The following NOXRED1 variants were observed in gnomAD, a reference collection of about 807,000 sequenced individuals.
NOXRED1 encodes NADP dependent oxidoreductase domain containing 1, also known as NADP-dependent oxidoreductase domain-containing protein 1.
NOXRED1 carries 20 observed loss-of-function variants against 30.4 expected under a neutral mutation model. The ratio of observed to expected loss-of-function variants is 0.66; its 90% CI spans 0.46 to 0.96. The LOEUF is 0.96. Among genes scored for constraint, NOXRED1 ranks in the 40% least tolerant of loss-of-function variants. NOXRED1 has a pLI of 0.00. For missense variants in NOXRED1, 374 were observed against 428.0 expected, an observed-to-expected ratio of 0.87 and a Z score of 1.11; for synonymous variants, 155 against 168.0, an observed-to-expected ratio of 0.92 and a Z score of 0.60.
At position 77,422,411 on chromosome 14, in the gene NOXRED1, G is replaced by A. The variant is rs905295262; in HGVS notation, c.155+324C>T. 3.3e-5 allele frequency among the ~76,000 whole-genome samples: 5 copies of A among 152,164 alleles called. No homozygotes were observed. The South Asian group carries it at 1.0e-3, about 32-fold the overall frequency. On this transcript the variant is annotated intron_variant, in intron 1 of 5. Coordinates refer to ENST00000380835, the MANE Select transcript of NOXRED1 (RefSeq NM_001113475.3). ...TTTGCATTCCTTGCCAATAGATAAG[G>A]AATGGCTAGACATTAGCAACTGTGG...
intron 2 of NOXRED1, among the ~76,000 whole-genome samples, chr14:77,407,891 G>A (rs545610522): frequency 2.2e-5 from 3 of 135,402 alleles, no homozygotes; most frequent in East Asian, 4.7e-4. Flanking sequence ...TTTTTGAGAC[G>A]GAGTCTCACT....
Position 77,422,984 on chromosome 14 carries a change from GGT to G in NOXRED1, c.-97_-96del. 2 of 1,011,500 alleles carry G rather than the reference GGT, an allele frequency of 2.0e-6. No homozygotes were observed. Among genetic ancestry groups the G allele is most frequent in the Non-Finnish European group, 3.0e-6 (2 of 673,826 alleles). 62.7% of individuals were successfully genotyped at this position (1,011,500 alleles called of 1,614,324 possible). Reference sequence around the variant, plus strand: ...TCTATGTAGGAGGTGTGTGTATGATGGTGTGTGTGCCCAGGTCACAAGCACTC... The same window carrying G: ...TCTATGTAGGAGGTGTGTGTATGATGGTGTGTGCCCAGGTCACAAGCACTC... On this transcript the variant is annotated 5_prime_UTR_variant, in exon 1 of 6. The change abolishes the stop of an existing upstream ORF in the 5' untranslated region. Transcript: ENST00000380835.
In NOXRED1 at chr14:77,421,717, T is replaced by G. The variant is rs553872817; in HGVS notation, c.155+1018A>C. The stretch of plus-strand genomic sequence containing the variant: ...TGGCGCAAGATTAACAAAGTCAGAC[T>G]TCTGAATACATAAGGTATACTTTCG... On this transcript the variant is annotated intron_variant, in intron 1 of 5. Coordinates refer to ENST00000380835, the MANE Select transcript of NOXRED1 (RefSeq NM_001113475.3). 2.6e-5 allele frequency among the ~76,000 whole-genome samples: 4 copies of G among 152,360 alleles called. No individual in the cohort carries two copies. In the South Asian group the frequency reaches 8.3e-4, roughly 32 times the overall value.
chr14:77,410,283 GAAA>G (rs1306143384), intron 2 of NOXRED1, among the ~76,000 whole-genome samples: 1 of 151,488 alleles, frequency 6.6e-6, no homozygotes, highest in Non-Finnish European at 1.5e-5. Flanking sequence ...TAAACCAAAA[GAAA>G]AAAAGAAAAA....
chr14:77,422,679 G>T, intron 1 of NOXRED1, 56 bp downstream of exon 1: 1 of 1,548,568 alleles, frequency 6.5e-7, no homozygotes, highest in South Asian at 1.1e-5. Context: ...TAAGACATTT[G>T]AATTCTCAGC....
At chr14:77,396,732 A>G (rs1344330273) in intron 5 of NOXRED1, among the ~76,000 whole-genome samples, 1 of 152,260 alleles carries the variant, frequency 6.6e-6, no homozygotes, top group Non-Finnish European at 1.5e-5. Context: ...TGTAAATCCA[A>G]TAAAACATGT....
At chr14:77,413,200 G>C (rs1894708102) in intron 2 of NOXRED1, among the ~76,000 whole-genome samples, 1 of 145,714 alleles carries the variant, frequency 6.9e-6, no homozygotes, top group Non-Finnish European at 1.5e-5. Flanking sequence ...AGAAATCATT[G>C]TTCTGATTTC....
intron 5 of NOXRED1, among the ~76,000 whole-genome samples, chr14:77,405,546 A>G (rs1771648374): frequency 6.6e-6 from 1 of 152,274 alleles, no homozygotes; most frequent in African/African-American, 2.4e-5. Flanking sequence ...AGCTGCTCAT[A>G]AATGAAGTAG....
At chr14:77,400,007 AC>A (rs1566706018) in intron 5 of NOXRED1, among the ~76,000 whole-genome samples, 2 of 152,286 alleles carry the variant, frequency 1.3e-5, no homozygotes, top group African/African-American at 4.8e-5. Flanking sequence ...CCATAGAAAA[AC>A]AAAGATAAGA....
chr14:77,411,801 A>C (rs1239874262), intron 2 of NOXRED1, among the ~76,000 whole-genome samples: 1 of 152,170 alleles, frequency 6.6e-6, no homozygotes, highest in African/African-American at 2.4e-5. Flanking sequence ...TATAGAAATA[A>C]TATTTTAGGG....
intron 5 of NOXRED1, among the ~76,000 whole-genome samples, chr14:77,401,419 G>T (rs1894325463): frequency 6.6e-6 from 1 of 151,974 alleles, no homozygotes; most frequent in African/African-American, 2.4e-5. Context: ...GAACAGGCTG[G>T]GTGTGACGGC....
At chr14:77,394,927 C>T (rs2139658312) in intron 5 of NOXRED1, 122 bp from the exon 6 acceptor site, 1 of 624,606 alleles carries the variant, frequency 1.6e-6, no homozygotes, top group Non-Finnish European at 2.8e-6. Flanking sequence ...AACATTAATA[C>T]CTTTTCATAA....
intron 5 of NOXRED1, among the ~76,000 whole-genome samples, chr14:77,403,457 A>C (rs1046987786): frequency 1.3e-5 from 2 of 152,114 alleles, no homozygotes; most frequent in Non-Finnish European, 2.9e-5. Context: ...TTTTGAAGGC[A>C]ATCCCAGACA....
intron 5 of NOXRED1, among the ~76,000 whole-genome samples, chr14:77,395,915 AT>A (rs1425225201): frequency 6.6e-6 from 1 of 150,608 alleles, no homozygotes; most frequent in Non-Finnish European, 1.5e-5. Flanking sequence ...GGGTTTCAAT[AT>A]TTTTCAAAAG....
intron 5 of NOXRED1, among the ~76,000 whole-genome samples, chr14:77,397,038 C>T (rs138614807): frequency 6.6e-6 from 1 of 152,202 alleles, no homozygotes; most frequent in Non-Finnish European, 1.5e-5. Flanking sequence ...AATAATTACA[C>T]TCCTGGTCAT....
At chr14:77,398,089 G>A (rs1162146266) in intron 5 of NOXRED1, among the ~76,000 whole-genome samples, 1 of 152,162 alleles carries the variant, frequency 6.6e-6, no homozygotes, top group East Asian at 1.9e-4. Context: ...GTAGCTTGCT[G>A]GAGGAGAAAC....
At chr14:77,424,836 G>A (rs1333262575), upstream of NOXRED1, among the ~76,000 whole-genome samples, 1 of 152,220 alleles carries the variant, frequency 6.6e-6, no homozygotes, top group Non-Finnish European at 1.5e-5. Context: ...ATATTTCTAT[G>A]CAAGATCAGG....
upstream of NOXRED1, among the ~76,000 whole-genome samples, chr14:77,425,309 G>A (rs563589078): frequency 6.6e-5 from 10 of 152,064 alleles, no homozygotes; most frequent in South Asian, 2.1e-4. Flanking sequence ...TCTACTCCTC[G>A]GTACTTCTCA....
chr14:77,414,764 C>G (rs1009685584), intron 1 of NOXRED1, among the ~76,000 whole-genome samples: 2 of 152,146 alleles, frequency 1.3e-5, no homozygotes, highest in African/African-American at 2.4e-5. Context: ...CTCAGGACAC[C>G]ACTGTGAACA....
Sources: allele counts gnomAD v4.1 joint callset (sites outside exome capture counted in the v4.1 genomes callset), GRCh38; gene constraint gnomAD v4.1.1; transcripts MANE v1.5; gene names NCBI Gene and HGNC (gene_info 2026-07-23, HGNC 2026-07-21).